The following INO80D variants were observed in gnomAD, a reference collection of about 807,000 sequenced individuals.
INO80D encodes INO80 complex subunit D.
INO80D carries 21 observed loss-of-function variants against 87.6 expected under a neutral mutation model. The ratio of observed to expected loss-of-function variants is 0.24; its 90% CI spans 0.17 to 0.35. The LOEUF (loss-of-function observed/expected upper bound fraction) is 0.35, where lower values mean the gene tolerates loss of function less well. Among genes scored for constraint, INO80D ranks in the 10% least tolerant of loss-of-function variants. The pLI is 1.00. For missense variants in INO80D, 982 were observed against 1,280.7 expected, an observed-to-expected ratio of 0.77 and a Z score of 3.56; for synonymous variants, 440 against 491.0, an observed-to-expected ratio of 0.90 and a Z score of 1.37.
chr2:206,041,006 C>T (rs80221312), intron 5 of INO80D, among the ~76,000 whole-genome samples: 5 of 152,008 alleles, frequency 3.3e-5, no homozygotes, highest in South Asian at 2.1e-4. Flanking sequence ...CGTTCTTATG[C>T]GTGAAGTGGT....
intron 5 of INO80D, among the ~76,000 whole-genome samples, chr2:206,034,103 T>C (rs2105843761): frequency 6.6e-6 from 1 of 152,244 alleles, no homozygotes; most frequent in South Asian, 2.1e-4. Context: ...GAAATGGTAA[T>C]TTAAAAATTA....
chr2:206,015,387 GTGC>G (rs1688290889), intron 8 of INO80D, among the ~76,000 whole-genome samples: 1 of 152,128 alleles, frequency 6.6e-6, no homozygotes, highest in Admixed American at 6.5e-5. Context: ...CAGGGCTCCC[GTGC>G]TCTGTGCAGC....
At chr2:206,046,659 T>C (rs1203638368) in intron 4 of INO80D, 47 bp from the exon 5 acceptor site, 1 of 1,272,500 alleles carries the variant, frequency 7.9e-7, no homozygotes, top group African/African-American at 1.5e-5. Flanking sequence ...TTTACTTTTA[T>C]TCAAAATTTA....
rs1688585965 is a variant in INO80D at position 206,025,536 on chromosome 2, A to ATATATATATAT, written c.1298+2574_1298+2575insATATATATATA. 5.5e-5 allele frequency: 4 copies of ATATATATATAT among 73,044 alleles called. No individual in the cohort carries two copies. The South Asian group carries it at 3.1e-3, about 57-fold the overall frequency. 4.5% of individuals were successfully genotyped at this position (73,044 alleles called of 1,614,324 possible). ...AGAGTGAAACTCCATCTCAAAAAAA[A>ATATATATATAT]AAAAAAATATATATATATATATATA... On this transcript the variant is annotated intron_variant, in intron 6 of 10. Coordinates refer to ENST00000403263, the MANE Select transcript of INO80D (RefSeq NM_017759.5).
intron 1 of INO80D, among the ~76,000 whole-genome samples, chr2:206,073,184 T>C (rs1315253641): frequency 1.3e-5 from 2 of 152,214 alleles, no homozygotes; most frequent in African/African-American, 2.4e-5. Flanking sequence ...ATCACTGTTC[T>C]GTAAACTGGA....
chr2:206,041,729 A>C (rs1244747852), intron 5 of INO80D, among the ~76,000 whole-genome samples: 1 of 152,248 alleles, frequency 6.6e-6, no homozygotes, highest in African/African-American at 2.4e-5. Context: ...TACTATATTC[A>C]AATGTGGTTT....
chr2:206,081,501 C>T (rs1427067861), intron 1 of INO80D, among the ~76,000 whole-genome samples: 2 of 152,116 alleles, frequency 1.3e-5, no homozygotes, highest in East Asian at 3.9e-4. Context: ...ACCTATAATC[C>T]CAGCACTTGG....
chr2:206,041,006 C>A (rs80221312), intron 5 of INO80D, among the ~76,000 whole-genome samples: 10,552 of 152,104 alleles, frequency 0.069, 577 homozygotes, highest in Admixed American at 0.19. Flanking sequence ...CGTTCTTATG[C>A]GTGAAGTGGT....
intron 5 of INO80D, among the ~76,000 whole-genome samples, chr2:206,028,879 GTTTTGTTT>G (rs1688688735): frequency 6.7e-6 from 1 of 150,072 alleles, no homozygotes; most frequent in Non-Finnish European, 1.5e-5. Flanking sequence ...ATGTATTTTT[GTTTTGTTT>G]TTTTGTTTTT....
intron 1 of INO80D, among the ~76,000 whole-genome samples, chr2:206,076,504 G>C (rs955994310): frequency 6.6e-6 from 1 of 152,166 alleles, no homozygotes; most frequent in Admixed American, 6.5e-5. Flanking sequence ...GAGGAATGAT[G>C]AAAATCTATC....
intron 9 of INO80D, chr2:206,007,754 G>A (rs184188020): frequency 1.4e-3 from 290 of 213,880 alleles, no homozygotes; most frequent in African/African-American, 6.3e-3. Context: ...ACTAGGAGGC[G>A]GAGGTTGCAG....
At chr2:206,026,480 A>T (rs1321848529) in intron 6 of INO80D, among the ~76,000 whole-genome samples, 1 of 151,916 alleles carries the variant, frequency 6.6e-6, no homozygotes. Flanking sequence ...AGGGAGGCAG[A>T]GGTTGCCATG....
At chr2:206,019,941 TTATAA>T in intron 6 of INO80D, 96 bp from the exon 7 acceptor site, 1 of 779,502 alleles carries the variant, frequency 1.3e-6, no homozygotes, top group South Asian at 1.6e-5. Flanking sequence ...AACACTCTCA[TTATAA>T]TATATATAAC....
chr2:206,048,007 C>T lies in INO80D; in HGVS notation c.965-1395G>A, dbSNP rs186630802. Among the ~76,000 whole-genome samples, 360 of 152,050 alleles carry T rather than the reference C, an allele frequency of 2.4e-3. 3 individuals are homozygous for T. Among genetic ancestry groups the T allele is most frequent in the African/African-American group, 8.2e-3 (341 of 41,510 alleles). On this transcript the variant is annotated intron_variant, in intron 4 of 10. Transcript: ENST00000403263. Reference sequence around the variant, plus strand: ...CTGGGACTACAGGCACCCGCCACCGCGCCTGGCTAATTTTTTTTTTTGTAT... The same window carrying T: ...CTGGGACTACAGGCACCCGCCACCGTGCCTGGCTAATTTTTTTTTTTGTAT...
rs1175264678 is a variant in INO80D at position 206,047,662 on chromosome 2, C to CA, written c.965-1051dup. ...CTTCTGAATGGTTTTATGAAAACAA[C>CA]AAAAAAAAAAAATCAAAAAGTGCAG... On this transcript the variant is annotated intron_variant, in intron 4 of 10. Coordinates refer to ENST00000403263, the MANE Select transcript of INO80D (RefSeq NM_017759.5). 1.5e-3 allele frequency among the ~76,000 whole-genome samples: 211 copies of CA among 140,546 alleles called. 1 individual carries two copies. The highest frequency in any genetic ancestry group is 0.012 in the South Asian group (53 of 4,438). 92.2% of individuals were successfully genotyped at this position (140,546 alleles called of 152,430 possible).
chr2:206,038,677 C>T (rs1465796053), intron 5 of INO80D, among the ~76,000 whole-genome samples: 1 of 151,978 alleles, frequency 6.6e-6, no homozygotes, highest in Non-Finnish European at 1.5e-5. Flanking sequence ...CAACAAAATG[C>T]AAAAATATAG....
At chr2:206,044,998 C>T (rs1689157389) in intron 5 of INO80D, among the ~76,000 whole-genome samples, 1 of 152,040 alleles carries the variant, frequency 6.6e-6, no homozygotes, top group African/African-American at 2.4e-5. Context: ...AAAATGGAAC[C>T]TCAGTGTAAG....
intron 5 of INO80D, among the ~76,000 whole-genome samples, chr2:206,029,773 C>A (rs1688712029): frequency 6.6e-6 from 1 of 152,140 alleles, no homozygotes; most frequent in Non-Finnish European, 1.5e-5. Context: ...TTATGCTCAG[C>A]ACTACAGAAG....
chr2:206,066,855 G>A (rs1689830071), intron 1 of INO80D, among the ~76,000 whole-genome samples: 1 of 150,998 alleles, frequency 6.6e-6, no homozygotes, highest in African/African-American at 2.4e-5. Flanking sequence ...AATATGGATA[G>A]AACTAGAAGA....
Sources: gnomAD v4.1 joint callset for allele counts (sites outside exome capture counted in the v4.1 genomes callset) on GRCh38, gnomAD v4.1.1 for gene constraint, MANE v1.5 for transcripts, NCBI Gene and HGNC (gene_info 2026-07-23, HGNC 2026-07-21) for gene names.